Variants in CD59 observed in about 807,000 individuals in gnomAD.
CD59 encodes CD59 glycoprotein.
CD59 carries 3 observed loss-of-function variants against 7.0 expected under a neutral mutation model. The ratio of observed to expected loss-of-function variants is 0.43; its 90% CI spans 0.19 to 1.10. The LOEUF (loss-of-function observed/expected upper bound fraction) is 1.10, where lower values mean the gene tolerates loss of function less well. CD59 is among the 50% of genes least tolerant of loss of function. The pLI, the probability that CD59 is intolerant of heterozygous loss-of-function variation, is 0.29. For missense variants in CD59, 143 were observed against 151.0 expected (o/e 0.95, Z 0.28); for synonymous variants, 60 against 62.0 (o/e 0.97, Z 0.15).
At chr11:33,735,994 C>T (rs1043012135) in intron 1 of CD59, among the ~76,000 whole-genome samples, 1 of 152,112 alleles carries the variant, frequency 6.6e-6, no homozygotes, top group African/African-American at 2.4e-5. Context: ...AGAGGAACTG[C>T]CGTGACCACG....
intron 1 of CD59, among the ~76,000 whole-genome samples, chr11:33,731,844 G>C (rs928154537): frequency 4.0e-5 from 6 of 151,400 alleles, no homozygotes; most frequent in Admixed American, 2.0e-4. Flanking sequence ...CATTAGGCAA[G>C]ACCTTGTGAT....
At chr11:33,733,081 A>G (rs558693189) in intron 1 of CD59, among the ~76,000 whole-genome samples, 2 of 152,298 alleles carry the variant, frequency 1.3e-5, no homozygotes, top group Admixed American at 1.3e-4. Flanking sequence ...ATGGTCCTCA[A>G]CTGACACTCA....
In CD59 at chr11:33,709,882, C is replaced by T. The variant is rs1010305212; in HGVS notation, c.*244G>A. On this transcript the variant is annotated 3_prime_UTR_variant, in exon 4 of 4. Coordinates refer to ENST00000642928, the MANE Select transcript of CD59 (RefSeq NM_000611.6). ...TCCCAAGAGCAAAGGAGGAAGCATG[C>T]AATCTAGTTCAAGTCACACCTACTT... The T allele has an allele frequency of 6.8e-6, 4 of 591,158 alleles. No homozygotes were observed. In the African/African-American group the frequency reaches 7.5e-5, roughly 11 times the overall value. 36.6% of individuals were successfully genotyped at this position (591,158 alleles called of 1,614,324 possible).
In CD59 at chr11:33,707,434, T is replaced by C. The variant is rs537092959; in HGVS notation, c.*2692A>G. 8 of 152,320 alleles carry C rather than the reference T, an allele frequency of 5.3e-5. No homozygotes were observed. The South Asian group carries it at 1.4e-3, about 28-fold the overall frequency. The allele number at this position is 152,320 out of a possible 1,614,324, so 9.4% of individuals were successfully genotyped here. A position where few individuals can be genotyped will look rare whatever the true frequency, so the allele number is the denominator to read the frequency against. On this transcript the variant is annotated 3_prime_UTR_variant, in exon 4 of 4. Transcript: ENST00000642928. Reference sequence around the variant, plus strand: ...TACATTCAAGACCAAGTTTGGCAAATAGATTAGCATCTTTCAGGAAATACC... The same window carrying C: ...TACATTCAAGACCAAGTTTGGCAAACAGATTAGCATCTTTCAGGAAATACC...
At position 33,726,398 on chromosome 11, in the gene CD59, A is replaced by G. The variant is rs574676486; in HGVS notation, c.-18-3935T>C. 1.1e-4 allele frequency among the ~76,000 whole-genome samples: 16 copies of G among 152,316 alleles called. No homozygotes were observed. The South Asian group carries it at 3.3e-3, about 32-fold the overall frequency. On this transcript the variant is annotated intron_variant, in intron 1 of 3. Coordinates refer to ENST00000642928, the MANE Select transcript of CD59 (RefSeq NM_000611.6). The stretch of plus-strand genomic sequence containing the variant: ...AACCCACTCAAAACCGCACAACTAC[A>G]TGGAAACTGAACAACCTGCTCCTGA...
intron 1 of CD59, chr11:33,722,718 T>A (rs1309283419): frequency 2.4e-6 from 3 of 1,268,790 alleles, no homozygotes; most frequent in Non-Finnish European, 3.0e-6. Flanking sequence ...TCAGGGTCAG[T>A]GAGTCAAATG....
Position 33,710,290 on chromosome 11 carries a change from C to T in CD59, c.223G>A (p.Val75Ile), listed in dbSNP as rs745985153. The T allele has an allele frequency of 1.4e-5, 23 of 1,614,170 alleles. No homozygotes were observed. The highest frequency in any genetic ancestry group is 2.2e-5 in the East Asian group (1 of 44,896). ...TCATTTTCCCTCAAGCGGGTTGTGA[C>T]GTCGTTGAAATTGCAATGCTCAAAC... ...WKFEHCNFNDVTTRLRENELT... is the reference protein window; with the variant it reads ...WKFEHCNFNDITTRLRENELT... The change falls in exon 4 of 4, where the codon GTC (valine) becomes ATC (isoleucine). Residue 75 changes from valine to isoleucine, a missense_variant. By Grantham distance (29) the Val-to-Ile change is conservative. Transcript: ENST00000642928.
chr11:33,721,175 C>G (rs1854043774), intron 2 of CD59, among the ~76,000 whole-genome samples: 1 of 152,206 alleles, frequency 6.6e-6, no homozygotes. Context: ...AACCACATTA[C>G]AGTGCACCCT....
chr11:33,734,284 T>G (rs1854501465), intron 1 of CD59, among the ~76,000 whole-genome samples: 1 of 152,234 alleles, frequency 6.6e-6, no homozygotes, highest in African/African-American at 2.4e-5. Flanking sequence ...AAGGTTCTCA[T>G]GCCAGGAATA....
chr11:33,713,205 A>T (rs945097449), intron 3 of CD59, among the ~76,000 whole-genome samples: 8 of 152,182 alleles, frequency 5.3e-5, no homozygotes, highest in African/African-American at 1.9e-4. Flanking sequence ...ATTAGTTGAG[A>T]GAGTGGTATT....
At chr11:33,715,949 A>G (rs1229951735) in intron 3 of CD59, among the ~76,000 whole-genome samples, 3 of 152,212 alleles carry the variant, frequency 2.0e-5, no homozygotes, top group African/African-American at 7.2e-5. Context: ...TGGAAACTAT[A>G]CTTAGTTTAA....
chr11:33,717,433 C>A lies in CD59; in HGVS notation c.106G>T (p.Ala36Ser). 1.9e-6 allele frequency: 3 copies of A among 1,613,402 alleles called. No homozygotes were observed. Among genetic ancestry groups the A allele is most frequent in the Non-Finnish European group, 2.5e-6 (3 of 1,179,474 alleles). The change falls in exon 3 of 4, where the codon GCT (alanine) becomes TCT (serine). Residue 36 changes from alanine to serine, a missense_variant. Transcript: ENST00000642928. Reference protein sequence around the residue: ...LQCYNCPNPTADCKTAVNCSS... With the variant: ...LQCYNCPNPTSDCKTAVNCSS... ...CAATTGACGGCTGTTTTGCAGTCAG[C>A]AGTTGGGTTAGGACAGTTGTAGCAC... is the stretch of plus-strand genomic sequence containing the variant.
intron 1 of CD59, chr11:33,731,317 T>C (rs564134379): frequency 7.3e-6 from 1 of 137,356 alleles, no homozygotes; most frequent in Non-Finnish European, 1.6e-5. Flanking sequence ...AATACACATA[T>C]ATATGCACAT....
chr11:33,718,707 C>T (rs936300084), intron 2 of CD59: 1 of 152,212 alleles, frequency 6.6e-6, no homozygotes, highest in African/African-American at 2.4e-5. Context: ...AGCAAATTGC[C>T]TCCAGTTCCC....
At chr11:33,725,469 C>T (rs776646748) in intron 1 of CD59, among the ~76,000 whole-genome samples, 5 of 152,092 alleles carry the variant, frequency 3.3e-5, no homozygotes, top group African/African-American at 7.2e-5. Flanking sequence ...TTGTCCCTAA[C>T]GACTGTTCTA....
At chr11:33,720,429 T>C (rs1217364188) in intron 2 of CD59, among the ~76,000 whole-genome samples, 1 of 152,178 alleles carries the variant, frequency 6.6e-6, no homozygotes, top group Non-Finnish European at 1.5e-5. Context: ...CCAGGTGCAA[T>C]GGCTCACGCC....
chr11:33,722,929 G>C, intron 1 of CD59: 1 of 1,082,008 alleles, frequency 9.2e-7, no homozygotes, highest in Non-Finnish European at 1.1e-6. Flanking sequence ...GGAAGCTCTG[G>C]CTCCTCACTG....
intron 3 of CD59, among the ~76,000 whole-genome samples, chr11:33,714,016 T>C (rs1343399119): frequency 6.6e-6 from 1 of 152,232 alleles, no homozygotes; most frequent in Non-Finnish European, 1.5e-5. Context: ...CAGTGACCAC[T>C]TGACACTGTC....
chr11:33,713,788 C>G (rs1853666902), intron 3 of CD59, among the ~76,000 whole-genome samples: 1 of 152,220 alleles, frequency 6.6e-6, no homozygotes, highest in Admixed American at 6.5e-5. Context: ...CTTGAATTAT[C>G]ATATTCAAAC....
Sources: gnomAD v4.1 joint callset for allele counts (sites outside exome capture counted in the v4.1 genomes callset) on GRCh38, gnomAD v4.1.1 for gene constraint, MANE v1.5 for transcripts, NCBI Gene and HGNC (gene_info 2026-07-23, HGNC 2026-07-21) for gene names.